The following PLGRKT variants were observed in gnomAD, a reference collection of about 807,000 sequenced individuals.
PLGRKT encodes plasminogen receptor with a C-terminal lysine.
A neutral mutation model predicts 18.5 loss-of-function variants in PLGRKT; 22 were observed. The ratio of observed to expected loss-of-function variants is 1.19; its 90% CI spans 0.85 to 1.70. The LOEUF (loss-of-function observed/expected upper bound fraction) is 1.70, where lower values mean the gene tolerates loss of function less well. Ranked by LOEUF, PLGRKT falls within the 40% of genes most tolerant of loss-of-function variation. The pLI, the probability that PLGRKT is intolerant of heterozygous loss-of-function variation, is 0.00. For missense variants in PLGRKT, 235 were observed against 174.4 expected (o/e 1.35, Z -1.96); for synonymous variants, 72 against 52.8 (o/e 1.36, Z -1.58).
chr9:5,376,236 A>C (rs1367350463), intron 3 of PLGRKT, among the ~76,000 whole-genome samples: 1 of 152,134 alleles, frequency 6.6e-6, no homozygotes, highest in Non-Finnish European at 1.5e-5. Flanking sequence ...ACAAGGTTTC[A>C]TTTGGTTACG....
At chr9:5,381,535 C>T (rs565146917) in intron 3 of PLGRKT, among the ~76,000 whole-genome samples, 1 of 152,246 alleles carries the variant, frequency 6.6e-6, no homozygotes, top group Non-Finnish European at 1.5e-5. Flanking sequence ...TACAGACATG[C>T]CTGGATGTCC....
At chr9:5,419,048 G>A (rs1267355492) in intron 3 of PLGRKT, 6 of 405,392 alleles carry the variant, frequency 1.5e-5, no homozygotes, top group East Asian at 5.7e-5. Flanking sequence ...CCGCCGCTCT[G>A]CGTCTTTCCA....
intron 3 of PLGRKT, among the ~76,000 whole-genome samples, chr9:5,400,466 G>C (rs909324026): frequency 2.0e-5 from 3 of 151,802 alleles, no homozygotes; most frequent in African/African-American, 7.3e-5. Flanking sequence ...TCCCTAACCT[G>C]ATGGTCCCTG....
intron 2 of PLGRKT, among the ~76,000 whole-genome samples, chr9:5,434,376 T>C (rs1262280969): frequency 3.5e-3 from 201 of 56,644 alleles, no homozygotes; most frequent in Non-Finnish European, 3.9e-3. Flanking sequence ...GCCGCCCCAT[T>C]TGGGAGGTGA....
intron 3 of PLGRKT, among the ~76,000 whole-genome samples, chr9:5,417,079 G>A (rs1818476279): frequency 6.6e-6 from 1 of 152,126 alleles, no homozygotes; most frequent in African/African-American, 2.4e-5. Context: ...CTGTAACTAA[G>A]CTAACTTATT....
At chr9:5,379,561 T>G (rs1294679498) in intron 3 of PLGRKT, among the ~76,000 whole-genome samples, 1 of 152,180 alleles carries the variant, frequency 6.6e-6, no homozygotes, top group African/African-American at 2.4e-5. Context: ...GCCTATCATA[T>G]TTATATATAT....
chr9:5,394,932 G>A (rs962068529), intron 3 of PLGRKT, among the ~76,000 whole-genome samples: 1 of 151,862 alleles, frequency 6.6e-6, no homozygotes, highest in Non-Finnish European at 1.5e-5. Flanking sequence ...CAATGAGGGT[G>A]AGGGAAGTGG....
intron 3 of PLGRKT, among the ~76,000 whole-genome samples, chr9:5,419,851 C>G (rs1050827252): frequency 6.6e-6 from 1 of 152,174 alleles, no homozygotes; most frequent in African/African-American, 2.4e-5. Context: ...TACCATATGA[C>G]TCCGCAACTC....
chr9:5,411,903 T>C (rs1023386708), intron 3 of PLGRKT, among the ~76,000 whole-genome samples: 2 of 152,222 alleles, frequency 1.3e-5, no homozygotes, highest in Non-Finnish European at 2.9e-5. Flanking sequence ...TATAAGTTAA[T>C]ACAATCCCAA....
rs182532691 is a variant in PLGRKT, at chr9:5,426,327, T to C, written c.81+5570A>G. Among the ~76,000 whole-genome samples, 33 of 152,316 alleles carry C rather than the reference T, an allele frequency of 2.2e-4. No individual in the cohort carries two copies. The East Asian group carries it at 4.8e-3, about 22-fold the overall frequency. On this transcript the variant is annotated intron_variant, in intron 3 of 5. Coordinates refer to ENST00000223864, the MANE Select transcript of PLGRKT (RefSeq NM_018465.4). ...TGATATAAATATACTCTGTGGTATA[T>C]ATCAAATACTTCATACTCTTAAAAA... is the stretch of plus-strand genomic sequence containing the variant.
chr9:5,369,010 G>A (rs1452013339), intron 3 of PLGRKT, among the ~76,000 whole-genome samples: 1 of 152,138 alleles, frequency 6.6e-6, no homozygotes, highest in Non-Finnish European at 1.5e-5. Context: ...AACCCTAGAA[G>A]AAAACCTAGG....
intron 3 of PLGRKT, among the ~76,000 whole-genome samples, chr9:5,390,850 G>A (rs1586720305): frequency 6.6e-6 from 1 of 151,892 alleles, no homozygotes; most frequent in Non-Finnish European, 1.5e-5. Context: ...TTTTTTAAAT[G>A]TCTTCAAAAC....
chr9:5,421,775 C>A (rs1818579968), intron 3 of PLGRKT, among the ~76,000 whole-genome samples: 1 of 152,146 alleles, frequency 6.6e-6, no homozygotes, highest in African/African-American at 2.4e-5. Flanking sequence ...GAGACACAGG[C>A]AGGCTAAAGC....
chr9:5,411,273 T>C (rs768906437), intron 3 of PLGRKT, among the ~76,000 whole-genome samples: 4 of 150,512 alleles, frequency 2.7e-5, no homozygotes, highest in Non-Finnish European at 5.9e-5. Context: ...TAATTCCAGC[T>C]ACTCAGGAGG....
chr9:5,410,498 CAA>C (rs59551404), intron 3 of PLGRKT, among the ~76,000 whole-genome samples: 190 of 121,976 alleles, frequency 1.6e-3, no homozygotes, highest in Middle Eastern at 8.2e-3. Flanking sequence ...GACTCTGTCT[CAA>C]AAAAAAAAAA....
chr9:5,396,563 G>A (rs1054920790), intron 3 of PLGRKT, among the ~76,000 whole-genome samples: 2 of 151,888 alleles, frequency 1.3e-5, no homozygotes, highest in Non-Finnish European at 1.5e-5. Context: ...GCAAAGTGCT[G>A]GAATTAAAGG....
intron 3 of PLGRKT, among the ~76,000 whole-genome samples, chr9:5,420,573 C>T (rs1185982479): frequency 2.0e-5 from 3 of 151,724 alleles, no homozygotes; most frequent in Admixed American, 2.0e-4. Context: ...GCATGTACAC[C>T]CACTCCCTCG....
intron 2 of PLGRKT, among the ~76,000 whole-genome samples, chr9:5,434,560 C>T (rs1466178403): frequency 6.7e-6 from 1 of 150,086 alleles, no homozygotes; most frequent in Non-Finnish European, 1.5e-5. Context: ...CTCTGCCCAG[C>T]CGCCCCGTCT....
intron 3 of PLGRKT, among the ~76,000 whole-genome samples, chr9:5,413,190 A>C (rs1468021460): frequency 6.6e-6 from 1 of 152,202 alleles, no homozygotes; most frequent in African/African-American, 2.4e-5. Flanking sequence ...TAACTCAGCA[A>C]TCTCAACTCT....
Sources: gnomAD v4.1 joint callset for allele counts (sites outside exome capture counted in the v4.1 genomes callset) on GRCh38, gnomAD v4.1.1 for gene constraint, MANE v1.5 for transcripts, NCBI Gene and HGNC (gene_info 2026-07-23, HGNC 2026-07-21) for gene names.